ZNF334: variants seen among roughly 807,000 people sequenced by gnomAD.
ZNF334 encodes the protein zinc finger protein 334.
In ZNF334, 14 loss-of-function variants were observed where a neutral mutation model predicts 12.4. The observed-to-expected ratio is 1.13, with a 90% CI of 0.74 to 1.76. The LOEUF (loss-of-function observed/expected upper bound fraction) is 1.76. Among genes scored for constraint, ZNF334 ranks in the 40% most tolerant of loss-of-function variants. ZNF334 has a pLI of 0.00. For synonymous variants in ZNF334, 273 were observed against 269.6 expected (o/e 1.01, Z -0.12); for missense variants, 797 against 804.5 (o/e 0.99, Z 0.11).
At chr20:46,475,244 C>G in the ZNF334 span, among the ~76,000 whole-genome samples, 1 of 152,074 alleles carries the variant, frequency 6.6e-6, no homozygotes, top group East Asian at 1.9e-4. Context: ...GGTGCTGGAG[C>G]AATTGGGCAT....
Position 46,512,613 on chromosome 20 carries a change from T to A in ZNF334, c.-112A>T, listed in dbSNP as rs1323002171. 6.6e-6 allele frequency: 1 copy of A among 152,428 alleles called. No individual in the cohort carries two copies. Among genetic ancestry groups the A allele is most frequent in the Non-Finnish European group, 1.5e-5 (1 of 68,242 alleles). 9.4% of individuals were successfully genotyped at this position (152,428 alleles called of 1,614,324 possible). ...GAGAATGAATGAAAGTGCTTTAAGG[T>A]GTTTGTCTTTTTGACAGTTTGGTTT... On this transcript the variant is annotated 5_prime_UTR_variant, in exon 1 of 5. Transcript: ENST00000692313.
the ZNF334 span, chr20:46,492,302 T>C: frequency 6.5e-6 from 1 of 152,856 alleles, no homozygotes; most frequent in Non-Finnish European, 1.5e-5. Flanking sequence ...AGAGAGACCT[T>C]ACCAATGTAC....
chr20:46,477,469 G>A, the ZNF334 span, among the ~76,000 whole-genome samples: 1 of 152,078 alleles, frequency 6.6e-6, no homozygotes, highest in Non-Finnish European at 1.5e-5. Flanking sequence ...CTCCCAAGTA[G>A]CCTGGACTAT....
downstream of ZNF334, among the ~76,000 whole-genome samples, chr20:46,498,048 C>T (rs1451150438): frequency 1.3e-5 from 2 of 152,362 alleles, no homozygotes; most frequent in South Asian, 2.1e-4. Context: ...ACACTTTACT[C>T]TCGAGCTACA....
chr20:46,505,690 T>C (rs2061406016), intron 2 of ZNF334: 1 of 153,784 alleles, frequency 6.5e-6, no homozygotes, highest in African/African-American at 2.4e-5. Context: ...GTGGTCACGC[T>C]CATTTGTTAC....
At chr20:46,466,932 G>T in the ZNF334 span, among the ~76,000 whole-genome samples, 1 of 152,146 alleles carries the variant, frequency 6.6e-6, no homozygotes, top group African/African-American at 2.4e-5. Context: ...AATCATGTTT[G>T]TTGGAGGCCA....
At chr20:46,495,082 C>T (rs925955303), downstream of ZNF334, among the ~76,000 whole-genome samples, 1 of 151,936 alleles carries the variant, frequency 6.6e-6, no homozygotes, top group East Asian at 1.9e-4. Flanking sequence ...ATTGTTTAAG[C>T]AAAAATAACA....
the ZNF334 span, among the ~76,000 whole-genome samples, chr20:46,470,385 G>A: frequency 3.3e-5 from 5 of 152,182 alleles, no homozygotes; most frequent in Non-Finnish European, 7.3e-5. Context: ...CTCCATTGAG[G>A]TGACCAAATT....
chr20:46,472,886 G>A, the ZNF334 span, among the ~76,000 whole-genome samples: 1 of 152,178 alleles, frequency 6.6e-6, no homozygotes, highest in Non-Finnish European at 1.5e-5. Context: ...ATCATGGGAA[G>A]AGGTCAAATT....
At chr20:46,491,095 A>G in the ZNF334 span, 1 of 152,752 alleles carries the variant, frequency 6.5e-6, no homozygotes, top group African/African-American at 2.4e-5. Flanking sequence ...GAATATGTAC[A>G]CTATATAAAC....
the ZNF334 span, among the ~76,000 whole-genome samples, chr20:46,483,081 T>G: frequency 1.3e-5 from 2 of 152,212 alleles, no homozygotes; most frequent in South Asian, 4.1e-4. Context: ...CAAATCAGTG[T>G]GATTGATGGC....
In ZNF334 at chr20:46,502,137, C is replaced by T. The variant is rs2061212320; in HGVS notation, c.1202G>A (p.Gly401Glu). The stretch of plus-strand genomic sequence containing the variant: ...TTCACTACATTCATAGGGTTTTTCC[C>T]CTGTGTGAATTCTCTGATGCGCAGT... ...ALTAHQRIHTGEKPYECSECE... is the reference protein window; with the variant it reads ...ALTAHQRIHTEEKPYECSECE... The change falls in exon 5 of 5, where the codon GGG becomes GAG. Residue 401 changes from glycine (G) to glutamate (E), a missense_variant. Gly to Glu is a moderately conservative substitution (Grantham distance 98). Coordinates refer to ENST00000692313, the MANE Select transcript of ZNF334 (RefSeq NM_001353824.2). 6.2e-7 allele frequency: 1 copy of T among 1,614,028 alleles called. No individual in the cohort carries two copies. The highest frequency in any genetic ancestry group is 8.5e-7 in the Non-Finnish European group (1 of 1,180,030).
rs2061727284 is a variant in ZNF334 at position 46,513,486 on chromosome 20, C to G, written c.-985G>C. 1 of 152,302 alleles carries G rather than the reference C, an allele frequency of 6.6e-6. No individual in the cohort carries two copies. Among genetic ancestry groups the G allele is most frequent in the African/African-American group, 2.4e-5 (1 of 41,456 alleles). 9.4% of individuals were successfully genotyped at this position (152,302 alleles called of 1,614,324 possible). On this transcript the variant is annotated 5_prime_UTR_variant, in exon 1 of 5. Coordinates refer to ENST00000692313, the MANE Select transcript of ZNF334 (RefSeq NM_001353824.2). ...GGTTGTGGGTGCACCCGCTTCGCCT[C>G]CAGTTCGCACCAGGTCCAAGTCTCG...
At chr20:46,512,392 A>G (rs937320661) in intron 1 of ZNF334, 148 bp downstream of exon 1, 1 of 281,742 alleles carries the variant, frequency 3.5e-6, no homozygotes, top group African/African-American at 2.2e-5. Flanking sequence ...CTCCTTTGAA[A>G]AAAATTGAAA....
chr20:46,493,202 T>C, the ZNF334 span, among the ~76,000 whole-genome samples: 1 of 152,206 alleles, frequency 6.6e-6, no homozygotes, highest in Non-Finnish European at 1.5e-5. Flanking sequence ...ACAGTGAACA[T>C]TCATTTTGCT....
the ZNF334 span, among the ~76,000 whole-genome samples, chr20:46,468,843 C>A: frequency 7.9e-5 from 12 of 152,156 alleles, no homozygotes; most frequent in African/African-American, 2.9e-4. Flanking sequence ...AATCTCACCT[C>A]CTACCTCAAT....
At chr20:46,475,578 A>T in the ZNF334 span, among the ~76,000 whole-genome samples, 1 of 150,518 alleles carries the variant, frequency 6.6e-6, no homozygotes, top group African/African-American at 2.4e-5. Context: ...TCAACAGCAA[A>T]AAAAGAAAAA....
At chr20:46,478,898 T>C in the ZNF334 span, among the ~76,000 whole-genome samples, 3 of 152,172 alleles carry the variant, frequency 2.0e-5, no homozygotes, top group Non-Finnish European at 2.9e-5. Flanking sequence ...TTGGTCCCCC[T>C]GGCCTTTGGA....
downstream of ZNF334, among the ~76,000 whole-genome samples, chr20:46,497,450 T>C (rs1203496508): frequency 6.6e-6 from 1 of 152,256 alleles, no homozygotes; most frequent in Non-Finnish European, 1.5e-5. Flanking sequence ...GATATGTCCA[T>C]CTTAAAGAAT....
Sources: allele counts gnomAD v4.1 joint callset (sites outside exome capture counted in the v4.1 genomes callset), GRCh38; gene constraint gnomAD v4.1.1; transcripts MANE v1.5; gene names NCBI Gene and HGNC (gene_info 2026-07-23, HGNC 2026-07-21).